Variants in LARGE1 observed in about 807,000 individuals in gnomAD.
LARGE1 encodes LARGE xylosyl- and glucuronyltransferase 1.
LARGE1 carries 43 observed loss-of-function variants against 87.6 expected under a neutral mutation model. That is an observed-to-expected ratio of 0.49 (90% CI 0.38 to 0.63). The LOEUF is 0.63. LARGE1 is among the 30% of genes least tolerant of loss of function. The pLI is 0.00. For missense variants in LARGE1, 802 were observed against 1,000.2 expected (o/e 0.80, Z 2.67); for synonymous variants, 434 against 394.6 (o/e 1.10, Z -1.18).
the LARGE1 span, among the ~76,000 whole-genome samples, chr22:33,070,155 C>T: frequency 2.0e-5 from 3 of 152,206 alleles, no homozygotes; most frequent in African/African-American, 7.2e-5. Context: ...CTGTTTATTT[C>T]TCAATTCCTG....
intron 2 of LARGE1, among the ~76,000 whole-genome samples, chr22:33,693,201 C>T (rs1020444033): frequency 6.6e-6 from 1 of 152,162 alleles, no homozygotes; most frequent in African/African-American, 2.4e-5. Context: ...AACTACGGTT[C>T]GCAAAGGCAG....
intron 7 of LARGE1, among the ~76,000 whole-genome samples, chr22:33,390,869 G>T (rs1166103093): frequency 6.6e-6 from 1 of 151,936 alleles, no homozygotes; most frequent in African/African-American, 2.4e-5. Flanking sequence ...AATGTTTTTT[G>T]TATTTTTAAG....
At chr22:33,375,427 C>T (rs1384079801) in intron 9 of LARGE1, among the ~76,000 whole-genome samples, 1 of 152,080 alleles carries the variant, frequency 6.6e-6, no homozygotes, top group African/African-American at 2.4e-5. Context: ...GTGGGCAGAC[C>T]CCTTGAGGCC....
intron 2 of LARGE1, among the ~76,000 whole-genome samples, chr22:33,721,370 T>C (rs2083091475): frequency 6.6e-6 from 1 of 152,234 alleles, no homozygotes. Flanking sequence ...AGGTGTATTA[T>C]GACGATTAGG....
the LARGE1 span, among the ~76,000 whole-genome samples, chr22:33,088,836 T>C: frequency 6.6e-4 from 100 of 152,302 alleles, 1 homozygote; most frequent in African/African-American, 2.4e-3. Flanking sequence ...CATGTCTCAT[T>C]TTTCTCATCT....
At chr22:33,482,246 C>T (rs906508689) in intron 6 of LARGE1, among the ~76,000 whole-genome samples, 2 of 152,204 alleles carry the variant, frequency 1.3e-5, no homozygotes, top group African/African-American at 4.8e-5. Flanking sequence ...GACTCTATCC[C>T]TCTTGCAATG....
intron 1 of LARGE1, among the ~76,000 whole-genome samples, chr22:33,910,662 C>T (rs996953502): frequency 2.6e-5 from 4 of 152,110 alleles, no homozygotes; most frequent in East Asian, 1.9e-4. Flanking sequence ...GCTTGATCAA[C>T]GTTGGCTGAG....
At chr22:33,790,431 T>C (rs1285676690) in intron 1 of LARGE1, among the ~76,000 whole-genome samples, 1 of 152,208 alleles carries the variant, frequency 6.6e-6, no homozygotes. Context: ...GAAACTGGCC[T>C]ACACTGAATC....
intron 1 of LARGE1, among the ~76,000 whole-genome samples, chr22:33,839,133 G>A (rs1262529834): frequency 1.3e-5 from 2 of 152,200 alleles, no homozygotes; most frequent in Admixed American, 1.3e-4. Flanking sequence ...TCATGGTTCT[G>A]CAGGCTTGTA....
chr22:33,336,829 A>T (rs1938503978), intron 10 of LARGE1, among the ~76,000 whole-genome samples: 1 of 152,050 alleles, frequency 6.6e-6, no homozygotes, highest in Admixed American at 6.5e-5. Context: ...TGGGAGGCCA[A>T]GGCAGGCGGA....
At chr22:33,096,044 C>T in the LARGE1 span, among the ~76,000 whole-genome samples, 1 of 152,252 alleles carries the variant, frequency 6.6e-6, no homozygotes, top group Middle Eastern at 3.4e-3. Flanking sequence ...TAGAATTAAC[C>T]TACGGGCTTT....
At chr22:33,205,788 G>T (rs1924643802) in intron 11 of LARGE1, among the ~76,000 whole-genome samples, 1 of 151,860 alleles carries the variant, frequency 6.6e-6, no homozygotes, top group Admixed American at 6.6e-5. Flanking sequence ...TGACTTTGTT[G>T]TTTTTTTCCG....
chr22:33,417,195 G>A (rs1305341165), intron 7 of LARGE1, among the ~76,000 whole-genome samples: 3 of 152,238 alleles, frequency 2.0e-5, no homozygotes, highest in East Asian at 1.9e-4. Context: ...GTGAGCCACC[G>A]TGCCCAGCCT....
intron 6 of LARGE1, among the ~76,000 whole-genome samples, chr22:33,533,570 C>T (rs901212445): frequency 5.3e-5 from 8 of 152,136 alleles, no homozygotes; most frequent in Non-Finnish European, 8.8e-5. Context: ...TAAAATGCCC[C>T]GACTTTGTGG....
chr22:33,789,089 C>T (rs2085739768), intron 1 of LARGE1, among the ~76,000 whole-genome samples: 1 of 152,228 alleles, frequency 6.6e-6, no homozygotes, highest in Non-Finnish European at 1.5e-5. Context: ...CCCCTCACAT[C>T]ACAGGCTTGG....
At chr22:33,431,286 G>A (rs1051307291) in intron 7 of LARGE1, among the ~76,000 whole-genome samples, 2 of 152,160 alleles carry the variant, frequency 1.3e-5, no homozygotes, top group Non-Finnish European at 2.9e-5. Flanking sequence ...ATAGGGCCTC[G>A]TACACAGTAA....
At chr22:33,443,149 G>A (rs984522335) in intron 6 of LARGE1, among the ~76,000 whole-genome samples, 2 of 152,158 alleles carry the variant, frequency 1.3e-5, no homozygotes, top group Admixed American at 1.3e-4. Flanking sequence ...GGTGGGCAGT[G>A]TACTTATTTC....
At chr22:33,647,188 C>T (rs1203116933) in intron 3 of LARGE1, among the ~76,000 whole-genome samples, 3 of 152,230 alleles carry the variant, frequency 2.0e-5, no homozygotes, top group South Asian at 4.1e-4. Context: ...AATTCTAACA[C>T]ACAACCAAGT....
intron 6 of LARGE1, among the ~76,000 whole-genome samples, chr22:33,563,757 G>A (rs62227071): frequency 0.063 from 9,613 of 152,278 alleles, 434 homozygotes; most frequent in Non-Finnish European, 0.097. Context: ...CATTGTTAGT[G>A]TCATTATTGA....
Sources: allele counts gnomAD v4.1 joint callset (sites outside exome capture counted in the v4.1 genomes callset), GRCh38; gene constraint gnomAD v4.1.1; transcripts MANE v1.5; gene names NCBI Gene and HGNC (gene_info 2026-07-23, HGNC 2026-07-21).